The following MACF1 variants were observed in gnomAD, a reference collection of about 807,000 sequenced individuals.
The protein encoded by MACF1 is microtubule-actin cross-linking factor 1.
Under a neutral mutation model 854.8 loss-of-function variants are expected in MACF1, and 193 were observed. The ratio of observed to expected loss-of-function variants is 0.23; its 90% CI spans 0.20 to 0.25. The LOEUF is 0.25. Among genes scored for constraint, MACF1 ranks in the 10% least tolerant of loss-of-function variants. The probability of loss-of-function intolerance (pLI) is 1.00; values close to 1 mark genes in which losing one functional copy is unlikely to be tolerated. For missense variants in MACF1, 7,722 were observed against 8,929.1 expected, an observed-to-expected ratio of 0.86 and a Z score of 5.45; for synonymous variants, 3,185 against 3,226.7, an observed-to-expected ratio of 0.99 and a Z score of 0.44.
chr1:39,392,659 C>T (rs1037476239), intron 58 of MACF1, among the ~76,000 whole-genome samples: 3 of 152,092 alleles, frequency 2.0e-5, no homozygotes, highest in Admixed American at 2.0e-4. Context: ...TGTGAAGAAC[C>T]CCCCAGTCTT....
intron 2 of MACF1, among the ~76,000 whole-genome samples, chr1:39,132,636 GGATGT>G (rs1643030589): frequency 1.3e-5 from 2 of 152,178 alleles, no homozygotes; most frequent in South Asian, 4.2e-4. Context: ...GTCTCTACAG[GGATGT>G]GATGTGATTC....
chr1:39,474,404 A>G (rs1251499145), intron 97 of MACF1, among the ~76,000 whole-genome samples: 1 of 151,682 alleles, frequency 6.6e-6, no homozygotes, highest in African/African-American at 2.4e-5. Flanking sequence ...ATAATAATAA[A>G]TAAATATATG....
At chr1:39,342,740 G>A (rs563443842) in intron 40 of MACF1, among the ~76,000 whole-genome samples, 6 of 151,922 alleles carry the variant, frequency 3.9e-5, no homozygotes, top group South Asian at 2.1e-4. Flanking sequence ...GAGTGGTCTC[G>A]AACTCCTGAC....
At chr1:39,397,692 A>G (rs1642328349) in intron 58 of MACF1, among the ~76,000 whole-genome samples, 1 of 152,118 alleles carries the variant, frequency 6.6e-6, no homozygotes, top group African/African-American at 2.4e-5. Flanking sequence ...TAAAGTGCTG[A>G]CTCGCTCATG....
intron 17 of MACF1, 127 bp from the exon 18 acceptor site, chr1:39,293,331 T>C (rs1645833978): frequency 1.1e-6 from 1 of 880,568 alleles, no homozygotes; most frequent in African/African-American, 1.7e-5. Flanking sequence ...CTTGAATCCA[T>C]GGGGAAAAAT....
intron 58 of MACF1, among the ~76,000 whole-genome samples, chr1:39,388,872 CTTTTTTTTTTT>C (rs548104092): frequency 1.8e-3 from 158 of 87,246 alleles, no homozygotes; most frequent in African/African-American, 7.3e-3. Flanking sequence ...TCTTCTTCTT[CTTTTTTTTTTT>C]TTTTTTTTTT....
intron 61 of MACF1, among the ~76,000 whole-genome samples, chr1:39,426,604 G>C (rs1256918955): frequency 6.6e-6 from 1 of 152,118 alleles, no homozygotes; most frequent in African/African-American, 2.4e-5. Flanking sequence ...TTATTTTATA[G>C]AGTAAAACAA....
chr1:39,447,692 G>C lies in MACF1; in HGVS notation c.19762G>C (p.Val6588Leu). Residue 6588 changes from valine to leucine, a missense_variant and splice_region_variant, in exon 82 of 101, where the codon GTT becomes CTT. Physicochemically the swap from Val to Leu is conservative, Grantham distance 32 (BLOSUM62 1). Coordinates refer to ENST00000564288, the MANE Select transcript of MACF1 (RefSeq NM_001394062.1). ...AAAAAGAGCACTATTGTTCCCTCAG[G>C]TTTTTGCTAATGAAGTAAATGCTCA... ...TVLSQIEEHK[V>L]FANEVNAHRD... is the part of the protein sequence containing the mutation. 6.2e-7 allele frequency: 1 copy of C among 1,614,130 alleles called. No homozygotes were observed. Among genetic ancestry groups the C allele is most frequent in the Non-Finnish European group, 8.5e-7 (1 of 1,180,020 alleles).
intron 58 of MACF1, among the ~76,000 whole-genome samples, chr1:39,388,872 C>CTTTTTTTTTTTTTT (rs548104092): frequency 4.6e-5 from 4 of 87,242 alleles, no homozygotes; most frequent in African/African-American, 1.5e-4. Context: ...TCTTCTTCTT[C>CTTTTTTTTTTTTTT]TTTTTTTTTT....
chr1:39,292,866 A>G (rs1399443916), intron 17 of MACF1, 23 bp downstream of exon 17: 1 of 1,591,010 alleles, frequency 6.3e-7, no homozygotes, highest in South Asian at 1.1e-5. Context: ...CGATTCTCTT[A>G]CATTCTGCTC....
At chr1:39,234,101 T>TG (rs1297581714) in intron 2 of MACF1, among the ~76,000 whole-genome samples, 1 of 147,778 alleles carries the variant, frequency 6.8e-6, no homozygotes, top group Non-Finnish European at 1.5e-5. Flanking sequence ...AGCACAGGGT[T>TG]GGGGGTAAGG....
intron 2 of MACF1, among the ~76,000 whole-genome samples, chr1:39,129,542 G>A (rs12075280): frequency 0.031 from 4,710 of 152,184 alleles, 233 homozygotes; most frequent in African/African-American, 0.11. Flanking sequence ...AAAGGCTTAG[G>A]TTAGATTTAG....
intron 2 of MACF1, among the ~76,000 whole-genome samples, chr1:39,106,317 G>A (rs1287803343): frequency 6.6e-6 from 1 of 152,124 alleles, no homozygotes; most frequent in East Asian, 1.9e-4. Context: ...GTAGGGGTCT[G>A]TTTTTTTCCT....
Position 39,297,416 on chromosome 1 carries a change from G to T in MACF1, c.2356-204G>T, listed in dbSNP as rs7514695. 9.7e-3 allele frequency among the ~76,000 whole-genome samples: 1,473 copies of T among 152,266 alleles called. 25 individuals are homozygous for T. The highest frequency in any genetic ancestry group is 0.034 in the African/African-American group (1,400 of 41,556). ...TAACTTTTCGGTAGGGTAGGGTTTGGGGTAGTCAGCACTAATATTTTGCTG... is the reference window on the plus strand; with the variant it reads ...TAACTTTTCGGTAGGGTAGGGTTTGTGGTAGTCAGCACTAATATTTTGCTG... On this transcript the variant is annotated intron_variant, in intron 20 of 100. Transcript: ENST00000564288.
intron 2 of MACF1, among the ~76,000 whole-genome samples, chr1:39,187,882 G>C (rs113799197): frequency 7.4e-4 from 18 of 24,378 alleles, no homozygotes; most frequent in African/African-American, 2.0e-3. Flanking sequence ...CTCTCTCTCT[G>C]TCTCTCTCTC....
At chr1:39,134,741 T>C (rs1240942361) in intron 2 of MACF1, among the ~76,000 whole-genome samples, 1 of 152,188 alleles carries the variant, frequency 6.6e-6, no homozygotes, top group Non-Finnish European at 1.5e-5. Flanking sequence ...TTTTTATTAG[T>C]AGGAGTCATA....
At position 39,442,172 on chromosome 1, in the gene MACF1, A is replaced by G. The variant is rs2148666065; in HGVS notation, c.18800A>G (p.Gln6267Arg). ...MKEFKVEVYQQQIEMEKLNHQ... is the reference protein window; with the variant it reads ...MKEFKVEVYQRQIEMEKLNHQ... ...GAGTTCAAAGTAGAAGTTTACCAAC[A>G]GCAAATTGAGATGGAGAAGCTTAAT... The change falls in exon 76 of 101, where the codon CAG becomes CGG. Residue 6267 changes from glutamine to arginine, a missense_variant. Transcript: ENST00000564288. 1 of 1,595,202 alleles carries G rather than the reference A, an allele frequency of 6.3e-7. No homozygotes were observed.
At chr1:39,315,384 TA>T in intron 26 of MACF1, 128 bp from the exon 27 acceptor site, 3 of 702,478 alleles carry the variant, frequency 4.3e-6, no homozygotes, top group Non-Finnish European at 7.2e-6. Context: ...CTTCATAGTT[TA>T]TTCAACCAGC....
At chr1:39,367,788 T>G (rs1226967571) in intron 49 of MACF1, among the ~76,000 whole-genome samples, 1 of 152,064 alleles carries the variant, frequency 6.6e-6, no homozygotes, top group Admixed American at 6.6e-5. Context: ...ATTTATCAGA[T>G]TTTTTAATTG....
Sources: allele counts gnomAD v4.1 joint callset (sites outside exome capture counted in the v4.1 genomes callset), GRCh38; gene constraint gnomAD v4.1.1; transcripts MANE v1.5; gene names NCBI Gene and HGNC (gene_info 2026-07-23, HGNC 2026-07-21).